ENTREP2: variants seen among roughly 807,000 people sequenced by gnomAD.
ENTREP2 encodes the protein protein ENTREP2.
At chr15:29,403,608 T>C in the ENTREP2 span, among the ~76,000 whole-genome samples, 4 of 152,210 alleles carry the variant, frequency 2.6e-5, no homozygotes, top group Non-Finnish European at 5.9e-5. Flanking sequence ...CAAATTGCTC[T>C]TTCTTTTCCA....
the ENTREP2 span, among the ~76,000 whole-genome samples, chr15:29,506,687 C>T: frequency 6.6e-6 from 1 of 152,156 alleles, no homozygotes; most frequent in East Asian, 1.9e-4. Context: ...CAATAGAATC[C>T]TTTACAGACA....
the ENTREP2 span, among the ~76,000 whole-genome samples, chr15:29,296,889 G>T: frequency 6.6e-6 from 1 of 152,134 alleles, no homozygotes; most frequent in Non-Finnish European, 1.5e-5. Flanking sequence ...TAGCACATGG[G>T]TCAAATGTGG....
At chr15:29,589,613 C>T in the ENTREP2 span, among the ~76,000 whole-genome samples, 1 of 152,246 alleles carries the variant, frequency 6.6e-6, no homozygotes, top group Non-Finnish European at 1.5e-5. Context: ...ATTCAGCTTT[C>T]CCTCCGCTAC....
At chr15:29,167,486 A>T in the ENTREP2 span, among the ~76,000 whole-genome samples, 3 of 152,232 alleles carry the variant, frequency 2.0e-5, no homozygotes, top group African/African-American at 7.2e-5. Context: ...AAAAACAAAG[A>T]ATCCCATCAA....
chr15:29,264,464 T>C, the ENTREP2 span, among the ~76,000 whole-genome samples: 1 of 152,086 alleles, frequency 6.6e-6, no homozygotes, highest in African/African-American at 2.4e-5. Context: ...GTGATCAAGG[T>C]TTCAAAATAA....
chr15:29,183,284 A>G, the ENTREP2 span, among the ~76,000 whole-genome samples: 1 of 152,216 alleles, frequency 6.6e-6, no homozygotes, highest in Non-Finnish European at 1.5e-5. Flanking sequence ...ATCAAAACAA[A>G]TAGCCATCAG....
the ENTREP2 span, among the ~76,000 whole-genome samples, chr15:29,308,371 GA>G: frequency 0.51 from 76,750 of 151,632 alleles, 22,284 homozygotes; most frequent in African/African-American, 0.82. Context: ...GACTCTGTCT[GA>G]AAAAAAAGAA....
At chr15:29,521,227 GAT>G in the ENTREP2 span, among the ~76,000 whole-genome samples, 1 of 152,208 alleles carries the variant, frequency 6.6e-6, no homozygotes, top group Admixed American at 6.5e-5. Context: ...GAAAAATCCT[GAT>G]GTACAGAGTT....
At chr15:29,277,407 T>G in the ENTREP2 span, among the ~76,000 whole-genome samples, 2 of 149,876 alleles carry the variant, frequency 1.3e-5, no homozygotes. Flanking sequence ...CAGAAAGGAG[T>G]TTTACACAAT....
the ENTREP2 span, among the ~76,000 whole-genome samples, chr15:29,662,839 GCCT>G: frequency 2.0e-5 from 3 of 151,958 alleles, no homozygotes; most frequent in Non-Finnish European, 2.9e-5. Context: ...TCCTGCCTCC[GCCT>G]CCTGAGTAGC....
the ENTREP2 span, among the ~76,000 whole-genome samples, chr15:29,224,135 G>A: frequency 2.3e-3 from 355 of 152,182 alleles, 1 homozygote; most frequent in African/African-American, 8.2e-3. Context: ...CTTCCTTCTG[G>A]TGGGTTCGTG....
At chr15:29,593,542 A>G in the ENTREP2 span, among the ~76,000 whole-genome samples, 37,184 of 152,068 alleles carry the variant, frequency 0.24, 4,746 homozygotes, top group East Asian at 0.41. Flanking sequence ...CCTCCAAAAT[A>G]GCAAATCCAC....
the ENTREP2 span, among the ~76,000 whole-genome samples, chr15:29,642,675 C>T: frequency 2.0e-5 from 3 of 151,746 alleles, no homozygotes; most frequent in Admixed American, 1.3e-4. Flanking sequence ...TGCAGTGGCA[C>T]GATCTCGGCT....
At chr15:29,643,743 T>C in the ENTREP2 span, among the ~76,000 whole-genome samples, 2 of 145,040 alleles carry the variant, frequency 1.4e-5, no homozygotes, top group Non-Finnish European at 3.0e-5. Flanking sequence ...ATGGGGCCAC[T>C]GCACTCCAGC....
At chr15:29,407,731 G>A in the ENTREP2 span, among the ~76,000 whole-genome samples, 2 of 152,140 alleles carry the variant, frequency 1.3e-5, no homozygotes, top group African/African-American at 2.4e-5. Flanking sequence ...GCAGTGGCTC[G>A]ATCTCCGCTC....
chr15:29,522,862 A>T, the ENTREP2 span, among the ~76,000 whole-genome samples: 1 of 152,214 alleles, frequency 6.6e-6, no homozygotes, highest in Non-Finnish European at 1.5e-5. Flanking sequence ...GTTGAAGGTG[A>T]TCATTAACCA....
At chr15:29,546,903 AC>A in the ENTREP2 span, among the ~76,000 whole-genome samples, 327 of 51,484 alleles carry the variant, frequency 6.4e-3, 9 homozygotes, top group African/African-American at 0.04. Context: ...AAAAACAACA[AC>A]AAAAAAAAAA....
the ENTREP2 span, among the ~76,000 whole-genome samples, chr15:29,390,925 A>G: frequency 2.6e-5 from 4 of 152,200 alleles, no homozygotes; most frequent in Non-Finnish European, 5.9e-5. Context: ...CTAAGAAGCC[A>G]GCATTCACTG....
At chr15:29,240,152 C>T in the ENTREP2 span, among the ~76,000 whole-genome samples, 6 of 152,216 alleles carry the variant, frequency 3.9e-5, no homozygotes, top group Admixed American at 1.3e-4. Context: ...CACCTGAGGT[C>T]GGGAGTTCGA....
Sources: gnomAD v4.1 joint callset for allele counts (sites outside exome capture counted in the v4.1 genomes callset) on GRCh38, gnomAD v4.1.1 for gene constraint, MANE v1.5 for transcripts, NCBI Gene and HGNC (gene_info 2026-07-23, HGNC 2026-07-21) for gene names.